Variants in C1orf87 observed in about 807,000 individuals in gnomAD.
C1orf87 encodes the protein uncharacterized protein C1orf87.
C1orf87 carries 58 observed loss-of-function variants against 60.5 expected under a neutral mutation model. The ratio of observed to expected loss-of-function variants is 0.96; its 90% CI spans 0.78 to 1.19. The LOEUF (loss-of-function observed/expected upper bound fraction) is 1.19. Among genes scored for constraint, C1orf87 ranks in the 50% most tolerant of loss-of-function variants. The probability of loss-of-function intolerance (pLI) is 0.00; values close to 1 mark genes in which losing one functional copy is unlikely to be tolerated. For missense variants in C1orf87, 673 were observed against 638.6 expected (o/e 1.05, Z -0.58); for synonymous variants, 236 against 227.4 (o/e 1.04, Z -0.34).
At chr1:60,056,793 A>C (rs1021896179) in intron 2 of C1orf87, among the ~76,000 whole-genome samples, 1 of 152,212 alleles carries the variant, frequency 6.6e-6, no homozygotes, top group African/African-American at 2.4e-5. Flanking sequence ...AATAAGTTTC[A>C]AAGTAGCTAT....
At chr1:60,024,047 T>C (rs1165303630) in intron 8 of C1orf87, among the ~76,000 whole-genome samples, 1 of 152,340 alleles carries the variant, frequency 6.6e-6, no homozygotes, top group Middle Eastern at 3.4e-3. Context: ...TATTTATAAG[T>C]GTTCTTTTAA....
chr1:60,071,037 G>A (rs1187578401), intron 2 of C1orf87, among the ~76,000 whole-genome samples: 1 of 152,210 alleles, frequency 6.6e-6, no homozygotes, highest in East Asian at 1.9e-4. Context: ...TACTTTTCTT[G>A]ACAGTGACAG....
At chr1:60,072,041 G>C (rs1350891807) in intron 2 of C1orf87, among the ~76,000 whole-genome samples, 2 of 152,044 alleles carry the variant, frequency 1.3e-5, no homozygotes, top group East Asian at 3.9e-4. Context: ...ACTCTGATGG[G>C]TTTGGAATAG....
At chr1:60,007,038 A>G (rs1165036375) in intron 9 of C1orf87, among the ~76,000 whole-genome samples, 2 of 151,936 alleles carry the variant, frequency 1.3e-5, no homozygotes, top group Non-Finnish European at 1.5e-5. Flanking sequence ...CTGCCTCCCA[A>G]GTAGCTGGGA....
chr1:59,997,195 T>G (rs893231654), intron 11 of C1orf87, among the ~76,000 whole-genome samples: 3 of 152,122 alleles, frequency 2.0e-5, no homozygotes, highest in Non-Finnish European at 2.9e-5. Context: ...CAAGGCAAGT[T>G]ATTCATTATT....
chr1:60,018,332 G>A (rs1191013911), intron 8 of C1orf87, among the ~76,000 whole-genome samples: 1 of 152,168 alleles, frequency 6.6e-6, no homozygotes, highest in Non-Finnish European at 1.5e-5. Context: ...TCTTATGGTT[G>A]TGATATCCTT....
intron 3 of C1orf87, among the ~76,000 whole-genome samples, chr1:60,047,886 A>G (rs897527503): frequency 2.6e-5 from 4 of 152,164 alleles, no homozygotes; most frequent in African/African-American, 7.2e-5. Flanking sequence ...ATATTCCACT[A>G]GGGATATGCA....
In C1orf87 at chr1:59,990,539, A is replaced by G. The variant is rs1191306031; in HGVS notation, c.*134T>C. 9.2e-7 allele frequency: 1 copy of G among 1,085,706 alleles called. No homozygotes were observed. The highest frequency in any genetic ancestry group is 1.6e-5 in the African/African-American group (1 of 63,384). 67.3% of individuals were successfully genotyped at this position (1,085,706 alleles called of 1,614,324 possible). A position where few individuals can be genotyped will look rare whatever the true frequency, so the allele number is the denominator to read the frequency against. On this transcript the variant is annotated 3_prime_UTR_variant, in exon 12 of 12. Coordinates refer to ENST00000371201, the MANE Select transcript of C1orf87 (RefSeq NM_152377.3). The stretch of plus-strand genomic sequence containing the variant: ...ATAGCCAGAAACTAAGTCCAAATCA[A>G]AAGCATCTACAATAGCTGCATCGGC...
chr1:60,019,642 G>A (rs1645148441), intron 8 of C1orf87, among the ~76,000 whole-genome samples: 1 of 152,190 alleles, frequency 6.6e-6, no homozygotes, highest in Non-Finnish European at 1.5e-5. Context: ...TCAAAATGCT[G>A]ACAGTGATAT....
At position 59,990,742 on chromosome 1, in the gene C1orf87, G is replaced by T. The variant is rs1644915440; in HGVS notation, c.1572C>A (p.Ala524=). The T allele has an allele frequency of 1.2e-6, 2 of 1,614,074 alleles. No homozygotes were observed. Among genetic ancestry groups the T allele is most frequent in the Non-Finnish European group, 1.7e-6 (2 of 1,179,978 alleles). The part of the protein sequence containing the change: ...LSLSPQKIDQ[A]LRRFRSGENM... ...TTTCTCCCGAACGGAATCTGCGCAA[G>T]GCCTGGTCGATTTTCTGAGGGCTCA... The change falls in exon 12 of 12, where the codon GCC becomes GCA. Residue 524 remains alanine, a synonymous_variant. Transcript: ENST00000371201.
Position 60,073,693 on chromosome 1 carries a change from TA to T in C1orf87, c.-32del. 6.6e-6 allele frequency: 1 copy of T among 152,406 alleles called. No individual in the cohort carries two copies. The highest frequency in any genetic ancestry group is 3.4e-3 in the Middle Eastern group (1 of 296). The allele number at this position is 152,406 out of a possible 1,614,324, so 9.4% of individuals were successfully genotyped here. On this transcript the variant is annotated 5_prime_UTR_variant, in exon 1 of 12. Transcript: ENST00000371201. ...AGAACAGAGTCGGGGGGCTTACCGC[TA>T]GGGCAGCGTCCCCACCCTGGCAGCT... is the stretch of plus-strand genomic sequence containing the variant.
intron 2 of C1orf87, among the ~76,000 whole-genome samples, chr1:60,064,641 A>T (rs1350878175): frequency 1.2e-4 from 9 of 78,226 alleles, no homozygotes; most frequent in South Asian, 4.1e-4. Context: ...AATATATATG[A>T]TATATTTTAT....
At chr1:60,059,666 A>T (rs868103675) in intron 2 of C1orf87, among the ~76,000 whole-genome samples, 31 of 152,142 alleles carry the variant, frequency 2.0e-4, no homozygotes, top group Admixed American at 7.2e-4. Context: ...TTTGATTTGG[A>T]TTACACCCCT....
chr1:60,042,995 T>A (rs1645337729), intron 3 of C1orf87, among the ~76,000 whole-genome samples: 1 of 152,054 alleles, frequency 6.6e-6, no homozygotes, highest in African/African-American at 2.4e-5. Flanking sequence ...TAAGTCAGAT[T>A]TGGATTTGGA....
chr1:59,994,820 T>A (rs1307530163), intron 11 of C1orf87, among the ~76,000 whole-genome samples: 3 of 152,152 alleles, frequency 2.0e-5, no homozygotes, highest in Non-Finnish European at 4.4e-5. Context: ...TTGCACATAA[T>A]AAAGAATAGT....
chr1:60,000,852 G>A (rs1340292677), intron 10 of C1orf87, among the ~76,000 whole-genome samples: 1 of 151,964 alleles, frequency 6.6e-6, no homozygotes, highest in Non-Finnish European at 1.5e-5. Context: ...ACCACGTGAT[G>A]GCAATAGGTT....
At chr1:60,026,399 G>A (rs533227739) in intron 7 of C1orf87, among the ~76,000 whole-genome samples, 1 of 152,180 alleles carries the variant, frequency 6.6e-6, no homozygotes, top group East Asian at 1.9e-4. Context: ...TTAGGATAGT[G>A]CCTGGTTCTT....
chr1:60,040,085 G>T lies in C1orf87; in HGVS notation c.579C>A (p.Asn193Lys). The T allele has an allele frequency of 6.2e-7, 1 of 1,614,216 alleles. No individual in the cohort carries two copies. Among genetic ancestry groups the T allele is most frequent in the South Asian group, 1.1e-5 (1 of 91,080 alleles). Residue 193 changes from asparagine (N) to lysine (K), a missense_variant, in exon 5 of 12, where the codon AAC (asparagine) becomes AAA (lysine). Physicochemically the swap from Asn to Lys is moderately conservative, Grantham distance 94. Transcript: ENST00000371201. The part of the protein sequence containing the change: ...RELKSRPLSS[N>K]LLEKLQKELK... ...GCTCTTTCTGAAGCTTTTCTAATAAGTTGGAACTCAAAGGACGTGACTTGA... is the reference window on the plus strand; with the variant it reads ...GCTCTTTCTGAAGCTTTTCTAATAATTTGGAACTCAAAGGACGTGACTTGA...
chr1:60,015,018 A>G (rs1645115893), intron 8 of C1orf87, among the ~76,000 whole-genome samples: 1 of 152,210 alleles, frequency 6.6e-6, no homozygotes, highest in Non-Finnish European at 1.5e-5. Flanking sequence ...AAAATATGCC[A>G]GAAGGAGGAG....
Sources: gnomAD v4.1 joint callset for allele counts (sites outside exome capture counted in the v4.1 genomes callset) on GRCh38, gnomAD v4.1.1 for gene constraint, MANE v1.5 for transcripts, NCBI Gene and HGNC (gene_info 2026-07-23, HGNC 2026-07-21) for gene names.